The following PTPRD variants were observed in gnomAD, a reference collection of about 807,000 sequenced individuals.
PTPRD encodes the protein receptor-type tyrosine-protein phosphatase delta.
Under a neutral mutation model 214.5 loss-of-function variants are expected in PTPRD, and 34 were observed. The ratio of observed to expected loss-of-function variants is 0.16; its 90% confidence interval spans 0.12 to 0.21. PTPRD has a LOEUF of 0.21. Among genes scored for constraint, PTPRD ranks in the 10% least tolerant of loss-of-function variants. The pLI is 1.00. For missense variants in PTPRD, 2,545 were observed against 2,398.7 expected, an observed-to-expected ratio of 1.06 and a Z score of -1.27; for synonymous variants, 1,128 against 845.7, an observed-to-expected ratio of 1.33 and a Z score of -5.79.
chr9:9,463,829 G>T (rs1053174278), intron 8 of PTPRD, among the ~76,000 whole-genome samples: 1 of 151,906 alleles, frequency 6.6e-6, no homozygotes, highest in African/African-American at 2.4e-5. Flanking sequence ...TGAGAAACTT[G>T]GATTTGTCTT....
intron 12 of PTPRD, among the ~76,000 whole-genome samples, chr9:8,712,874 A>C (rs2154406592): frequency 6.6e-6 from 1 of 152,182 alleles, no homozygotes; most frequent in East Asian, 1.9e-4. Context: ...ACCCGCCACC[A>C]CGCCTGACTA....
chr9:9,732,311 A>C (rs1158830054), intron 7 of PTPRD, among the ~76,000 whole-genome samples: 1 of 152,018 alleles, frequency 6.6e-6, no homozygotes, highest in African/African-American at 2.4e-5. Context: ...GGGAAAAAAA[A>C]CTCATACATT....
intron 9 of PTPRD, among the ~76,000 whole-genome samples, chr9:9,394,807 A>G (rs1301478873): frequency 1.3e-5 from 2 of 152,074 alleles, no homozygotes; most frequent in Non-Finnish European, 2.9e-5. Context: ...TCCAAGCTCC[A>G]TTTTTGATTA....
intron 2 of PTPRD, among the ~76,000 whole-genome samples, chr9:10,443,233 T>C (rs563484487): frequency 1.3e-5 from 2 of 151,750 alleles, no homozygotes; most frequent in Admixed American, 6.6e-5. Context: ...CGGTCACATA[T>C]ACCAAAAAAT....
intron 30 of PTPRD, among the ~76,000 whole-genome samples, chr9:8,476,447 G>A (rs2096767040): frequency 6.6e-6 from 1 of 152,110 alleles, no homozygotes. Context: ...AGGGGTTGGA[G>A]ATCTCTGACA....
chr9:10,366,605 TGTTA>T (rs2097522249), intron 2 of PTPRD, among the ~76,000 whole-genome samples: 1 of 152,212 alleles, frequency 6.6e-6, no homozygotes, highest in Admixed American at 6.5e-5. Flanking sequence ...TTGTCATATT[TGTTA>T]TTTTTGCTAT....
At chr9:8,334,780 G>GA (rs1844972350) in intron 43 of PTPRD, among the ~76,000 whole-genome samples, 1 of 118,890 alleles carries the variant, frequency 8.4e-6, no homozygotes, top group East Asian at 2.2e-4. Flanking sequence ...AAAATAGATA[G>GA]AAAAGACAGA....
intron 11 of PTPRD, among the ~76,000 whole-genome samples, chr9:8,789,668 AG>A (rs1408916915): frequency 6.6e-6 from 1 of 151,032 alleles, no homozygotes; most frequent in Non-Finnish European, 1.5e-5. Context: ...CTTATTATTG[AG>A]GGGCAAAAAA....
At chr9:9,049,158 C>A (rs928770884) in intron 10 of PTPRD, among the ~76,000 whole-genome samples, 1 of 152,156 alleles carries the variant, frequency 6.6e-6, no homozygotes, top group Non-Finnish European at 1.5e-5. Flanking sequence ...TAAGGTCTAG[C>A]AGACCTTCTC....
At chr9:10,115,071 C>A (rs1051425819) in intron 3 of PTPRD, among the ~76,000 whole-genome samples, 3 of 151,496 alleles carry the variant, frequency 2.0e-5, no homozygotes, top group African/African-American at 7.3e-5. Flanking sequence ...AAAGTGCTAT[C>A]TCTCACAGCC....
intron 11 of PTPRD, among the ~76,000 whole-genome samples, chr9:8,942,169 G>T (rs913606574): frequency 2.0e-5 from 3 of 152,066 alleles, no homozygotes; most frequent in Non-Finnish European, 2.9e-5. Context: ...ATTAGAGTCT[G>T]GTCGATACTT....
intron 2 of PTPRD, among the ~76,000 whole-genome samples, chr9:10,580,475 C>T (rs1042317355): frequency 6.6e-6 from 1 of 151,992 alleles, no homozygotes; most frequent in Non-Finnish European, 1.5e-5. Context: ...TGTATATTTT[C>T]TTGTTTCCTT....
chr9:8,845,147 G>A (rs576006131), intron 11 of PTPRD, among the ~76,000 whole-genome samples: 2 of 148,654 alleles, frequency 1.3e-5, no homozygotes, highest in South Asian at 2.1e-4. Context: ...AATAAAATGA[G>A]GTCTCTAAAA....
intron 3 of PTPRD, among the ~76,000 whole-genome samples, chr9:10,054,057 C>T (rs538088949): frequency 1.2e-4 from 19 of 152,196 alleles, no homozygotes; most frequent in African/African-American, 3.4e-4. Flanking sequence ...CCACACCCTG[C>T]GACTTTAAAA....
intron 14 of PTPRD, among the ~76,000 whole-genome samples, chr9:8,555,325 C>T (rs754009980): frequency 6.6e-5 from 10 of 152,108 alleles, no homozygotes; most frequent in Non-Finnish European, 1.5e-4. Context: ...GAGGATCCTG[C>T]GAGCACAGGA....
At chr9:8,558,084 T>G (rs1333275610) in intron 14 of PTPRD, among the ~76,000 whole-genome samples, 1 of 152,128 alleles carries the variant, frequency 6.6e-6, no homozygotes, top group Non-Finnish European at 1.5e-5. Context: ...ATAGAAATAA[T>G]GATGTGTGTC....
chr9:8,852,159 C>A (rs1037895227), intron 11 of PTPRD, among the ~76,000 whole-genome samples: 1 of 152,108 alleles, frequency 6.6e-6, no homozygotes, highest in African/African-American at 2.4e-5. Context: ...CAAAGCAGTA[C>A]TGAGAAATGC....
At position 10,612,829 on chromosome 9, in the gene PTPRD, C is replaced by T. The variant is rs575329413; in HGVS notation, c.-849G>A. 2.0e-5 allele frequency: 3 copies of T among 152,260 alleles called. No homozygotes were observed. The highest frequency in any genetic ancestry group is 2.0e-4 in the Admixed American group (3 of 15,292). 9.4% of individuals were successfully genotyped at this position (152,260 alleles called of 1,614,324 possible). Reference sequence around the variant, plus strand: ...GGAGGCCGATGAGCGGCTCCCGGCTCCTCGGAGAAGCAGCCGAGACGGCAA... The same window carrying T: ...GGAGGCCGATGAGCGGCTCCCGGCTTCTCGGAGAAGCAGCCGAGACGGCAA... On this transcript the variant is annotated 5_prime_UTR_variant, in exon 1 of 46. Transcript: ENST00000381196.
chr9:8,852,060 T>A (rs1320484627), intron 11 of PTPRD, among the ~76,000 whole-genome samples: 2 of 150,790 alleles, frequency 1.3e-5, no homozygotes, highest in Non-Finnish European at 3.0e-5. Context: ...ACTAACGGTT[T>A]AAAAAAAAAA....
Sources: allele counts gnomAD v4.1 joint callset (sites outside exome capture counted in the v4.1 genomes callset), GRCh38; gene constraint gnomAD v4.1.1; transcripts MANE v1.5; gene names NCBI Gene and HGNC (gene_info 2026-07-23, HGNC 2026-07-21).